ADAMTS17: variants seen among roughly 807,000 people sequenced by gnomAD.
ADAMTS17 encodes A disintegrin and metalloproteinase with thrombospondin motifs 17.
A neutral mutation model predicts 141.5 loss-of-function variants in ADAMTS17; 113 were observed. That is an observed-to-expected ratio of 0.80 (90% CI 0.69 to 0.93). The LOEUF (loss-of-function observed/expected upper bound fraction) is 0.93, where lower values mean the gene tolerates loss of function less well. Ranked by LOEUF, ADAMTS17 falls within the 40% of genes least tolerant of loss-of-function variation. The pLI is 0.00. For synonymous variants in ADAMTS17, 768 were observed against 630.6 expected, an observed-to-expected ratio of 1.22 and a Z score of -3.27; for missense variants, 1,659 against 1,517.9, an observed-to-expected ratio of 1.09 and a Z score of -1.54.
At chr15:100,105,617 G>T (rs999947394) in intron 14 of ADAMTS17, among the ~76,000 whole-genome samples, 5 of 152,164 alleles carry the variant, frequency 3.3e-5, no homozygotes, top group Non-Finnish European at 7.3e-5. Context: ...AGGTGATTAG[G>T]TCAAGAGGGG....
At chr15:100,070,807 A>G (rs2141722962) in intron 15 of ADAMTS17, among the ~76,000 whole-genome samples, 1 of 149,766 alleles carries the variant, frequency 6.7e-6, no homozygotes, top group South Asian at 2.1e-4. Flanking sequence ...TCTAAAATTG[A>G]CACCCTAACA....
chr15:100,234,154 G>A lies in ADAMTS17; in HGVS notation c.1075+19982C>T, dbSNP rs1031797667. Among the ~76,000 whole-genome samples, 29 of 152,282 alleles carry A rather than the reference G, an allele frequency of 1.9e-4. No homozygotes were observed. In the East Asian group the frequency reaches 2.1e-3, roughly 11 times the overall value. ...CGGTGTGGTTCAAAGAGGTCTGATC[G>A]GGAATATATTTTGAAGGTGGAGTGG... is the stretch of plus-strand genomic sequence containing the variant. On this transcript the variant is annotated intron_variant, in intron 7 of 21. Coordinates refer to ENST00000268070, the MANE Select transcript of ADAMTS17 (RefSeq NM_139057.4).
intron 7 of ADAMTS17, among the ~76,000 whole-genome samples, chr15:100,245,344 G>T (rs1408485768): frequency 6.6e-6 from 1 of 152,220 alleles, no homozygotes; most frequent in South Asian, 2.1e-4. Context: ...CAATGAAGGG[G>T]GCTCTGGGCC....
intron 3 of ADAMTS17, among the ~76,000 whole-genome samples, chr15:100,317,638 T>TTGAG (rs1191784967): frequency 6.6e-6 from 1 of 151,946 alleles, no homozygotes; most frequent in African/African-American, 2.4e-5. Flanking sequence ...GGAACAAATG[T>TTGAG]TGAGCATTTT....
At chr15:100,330,302 CTCACACTTTAGCACGTATCTAAA>C (rs1567544916) in intron 3 of ADAMTS17, among the ~76,000 whole-genome samples, 1 of 152,200 alleles carries the variant, frequency 6.6e-6, no homozygotes, top group Non-Finnish European at 1.5e-5. Flanking sequence ...AGCAGTGGTT[CTCACACTTTAGCACGTATCTAAA>C]TCCCCTGGAG....
chr15:100,065,865 TCC>T (rs2033481489), intron 15 of ADAMTS17, among the ~76,000 whole-genome samples: 1 of 152,190 alleles, frequency 6.6e-6, no homozygotes, highest in Non-Finnish European at 1.5e-5. Flanking sequence ...ATGCTCTCCC[TCC>T]CCTTTTCCCC....
intron 20 of ADAMTS17, among the ~76,000 whole-genome samples, chr15:99,986,263 A>G (rs2060584563): frequency 6.6e-6 from 1 of 152,236 alleles, no homozygotes; most frequent in Admixed American, 6.5e-5. Flanking sequence ...AGGTTCGTTC[A>G]TTGTTAAGGT....
chr15:100,155,855 T>C (rs1416960367), intron 8 of ADAMTS17, among the ~76,000 whole-genome samples: 1 of 152,210 alleles, frequency 6.6e-6, no homozygotes, highest in Admixed American at 6.5e-5. Flanking sequence ...CCTATTCAGC[T>C]ATACCTGAGA....
At chr15:100,120,073 C>T (rs72770233) in intron 12 of ADAMTS17, among the ~76,000 whole-genome samples, 2,184 of 152,232 alleles carry the variant, frequency 0.014, 25 homozygotes, top group South Asian at 0.032. Context: ...ACTAGACTGA[C>T]GTGAACTATA....
chr15:100,141,900 T>C (rs1228893718), intron 10 of ADAMTS17, among the ~76,000 whole-genome samples: 1 of 152,222 alleles, frequency 6.6e-6, no homozygotes. Flanking sequence ...CAGCCTGGCA[T>C]GCAAGTCCAC....
intron 21 of ADAMTS17, among the ~76,000 whole-genome samples, chr15:99,975,844 A>G (rs1447269760): frequency 6.7e-6 from 1 of 150,318 alleles, no homozygotes; most frequent in Non-Finnish European, 1.5e-5. Context: ...TGGAGACAGC[A>G]GTAAGCAAAC....
At chr15:99,978,297 T>G (rs750462549) in intron 20 of ADAMTS17, among the ~76,000 whole-genome samples, 7 of 152,200 alleles carry the variant, frequency 4.6e-5, no homozygotes, top group Non-Finnish European at 8.8e-5. Flanking sequence ...GGTTCAGGTT[T>G]TGTGTGTCTT....
intron 12 of ADAMTS17, among the ~76,000 whole-genome samples, chr15:100,119,551 G>C (rs2008958): frequency 0.4 from 60,707 of 152,090 alleles, 12,800 homozygotes; most frequent in South Asian, 0.51. Context: ...CGCCTTTCCA[G>C]TAGCTGATTT....
intron 6 of ADAMTS17, among the ~76,000 whole-genome samples, chr15:100,254,730 A>G (rs1046383479): frequency 2.0e-5 from 3 of 151,930 alleles, no homozygotes; most frequent in African/African-American, 7.3e-5. Context: ...TATCCTCAGA[A>G]AACTAATGCA....
intron 8 of ADAMTS17, among the ~76,000 whole-genome samples, chr15:100,194,110 TGA>T (rs1471417043): frequency 6.6e-6 from 1 of 152,280 alleles, no homozygotes; most frequent in Admixed American, 6.5e-5. Context: ...TTCGTTTTTC[TGA>T]GTGGGTGGCG....
At chr15:100,166,673 C>T (rs1223163335) in intron 8 of ADAMTS17, among the ~76,000 whole-genome samples, 2 of 152,184 alleles carry the variant, frequency 1.3e-5, no homozygotes, top group African/African-American at 4.8e-5. Context: ...AAGCAAGGTT[C>T]CTAAACTCCT....
chr15:100,215,331 C>A (rs186264419), intron 7 of ADAMTS17, among the ~76,000 whole-genome samples: 1 of 152,200 alleles, frequency 6.6e-6, no homozygotes, highest in Non-Finnish European at 1.5e-5. Context: ...GTCTGGATCT[C>A]GTCTGGAACA....
intron 18 of ADAMTS17, among the ~76,000 whole-genome samples, chr15:100,014,832 T>A (rs2061256142): frequency 6.6e-6 from 1 of 152,206 alleles, no homozygotes; most frequent in South Asian, 2.1e-4. Context: ...GAATGTGTAT[T>A]CTGCAGTTGT....
chr15:100,035,265 G>A (rs932266029), intron 18 of ADAMTS17, among the ~76,000 whole-genome samples: 3 of 152,190 alleles, frequency 2.0e-5, no homozygotes, highest in Admixed American at 2.0e-4. Context: ...CCTATGTGAG[G>A]TCTTTCTAGA....
Sources: gnomAD v4.1 joint callset for allele counts (sites outside exome capture counted in the v4.1 genomes callset) on GRCh38, gnomAD v4.1.1 for gene constraint, MANE v1.5 for transcripts, NCBI Gene and HGNC (gene_info 2026-07-23, HGNC 2026-07-21) for gene names.